ASTN1: variants seen among roughly 807,000 people sequenced by gnomAD.
ASTN1 encodes astrotactin 1.
A neutral mutation model predicts 140.7 loss-of-function variants in ASTN1; 41 were observed. The observed-to-expected ratio is 0.29, with a 90% CI of 0.23 to 0.38. The LOEUF (loss-of-function observed/expected upper bound fraction) is 0.38, where lower values mean the gene tolerates loss of function less well. Among genes scored for constraint, ASTN1 ranks in the 10% least tolerant of loss-of-function variants. The pLI is 1.00. For missense variants in ASTN1, 1,479 were observed against 1,678.8 expected, an observed-to-expected ratio of 0.88 and a Z score of 2.08; for synonymous variants, 640 against 652.2, an observed-to-expected ratio of 0.98 and a Z score of 0.29.
chr1:177,130,934 T>C (rs1354080902), intron 1 of ASTN1, among the ~76,000 whole-genome samples: 2 of 152,238 alleles, frequency 1.3e-5, no homozygotes, highest in South Asian at 2.1e-4. Flanking sequence ...TAAAATGTTA[T>C]TTTTTCTATC....
intron 16 of ASTN1, among the ~76,000 whole-genome samples, chr1:176,923,271 C>G (rs1670814853): frequency 6.6e-6 from 1 of 152,182 alleles, no homozygotes; most frequent in African/African-American, 2.4e-5. Flanking sequence ...AGTCACAGAA[C>G]ATTAGAACTA....
rs553232697 is a variant in ASTN1 at position 176,870,078 on chromosome 1, A to AT, written c.3464-1052dup. Among the ~76,000 whole-genome samples, 5 of 152,362 alleles carry AT rather than the reference A, an allele frequency of 3.3e-5. No homozygotes were observed. In the South Asian group the frequency reaches 1.0e-3, roughly 32 times the overall value. On this transcript the variant is annotated intron_variant, in intron 21 of 22. Transcript: ENST00000361833. ...TTGGTGATGTGGCAAAGTGGAAATGATTTTGTATAGACTTGGCATTTTTTT... is the reference window on the plus strand; with the variant it reads ...TTGGTGATGTGGCAAAGTGGAAATGATTTTTGTATAGACTTGGCATTTTTTT...
chr1:176,929,254 C>T (rs1671101058), intron 16 of ASTN1, among the ~76,000 whole-genome samples: 1 of 152,106 alleles, frequency 6.6e-6, no homozygotes, highest in Admixed American at 6.5e-5. Context: ...AATTAAAGTT[C>T]TTGAAATGGG....
chr1:177,076,342 C>T (rs1310665221), intron 1 of ASTN1, among the ~76,000 whole-genome samples: 1 of 150,740 alleles, frequency 6.6e-6, no homozygotes, highest in African/African-American at 2.4e-5. Flanking sequence ...AAAGAAATCC[C>T]TCACACCATG....
At chr1:176,965,713 T>A (rs1394712126) in intron 8 of ASTN1, among the ~76,000 whole-genome samples, 1 of 152,192 alleles carries the variant, frequency 6.6e-6, no homozygotes, top group Non-Finnish European at 1.5e-5. Flanking sequence ...GGTCAATAAA[T>A]GATAGCTACC....
intron 16 of ASTN1, among the ~76,000 whole-genome samples, chr1:176,915,849 C>T (rs1306471395): frequency 6.6e-6 from 1 of 152,094 alleles, no homozygotes; most frequent in Non-Finnish European, 1.5e-5. Context: ...CATCATAGAC[C>T]GTTTAGTGTT....
At position 177,005,874 on chromosome 1, in the gene ASTN1, G is replaced by A. The variant is rs570234041; in HGVS notation, c.1523+8917C>T. Among the ~76,000 whole-genome samples, 86 of 152,276 alleles carry A rather than the reference G, an allele frequency of 5.6e-4. 1 individual carries two copies. Among genetic ancestry groups the A allele is most frequent in the South Asian group, 5.4e-3 (26 of 4,830 alleles). ...TCCACTCGCCTTGACCTCCCAAAGC[G>A]CTGGGATTACAAGCGTGAGCCACCG... On this transcript the variant is annotated intron_variant, in intron 8 of 22. Transcript: ENST00000361833.
At chr1:177,146,112 A>G (rs990936975) in intron 1 of ASTN1, among the ~76,000 whole-genome samples, 4 of 152,140 alleles carry the variant, frequency 2.6e-5, no homozygotes, top group Admixed American at 2.0e-4. Context: ...AAAAAAACCT[A>G]TATTTTCCAA....
At chr1:177,139,319 T>G (rs1682350518) in intron 1 of ASTN1, among the ~76,000 whole-genome samples, 2 of 152,206 alleles carry the variant, frequency 1.3e-5, no homozygotes, top group South Asian at 2.1e-4. Flanking sequence ...ATAAGGGATA[T>G]CTATGTGAGA....
chr1:176,980,697 G>A (rs1673573411), intron 8 of ASTN1, among the ~76,000 whole-genome samples: 1 of 152,126 alleles, frequency 6.6e-6, no homozygotes, highest in Admixed American at 6.5e-5. Context: ...AATGGGGCAA[G>A]GAGAAGCTGA....
chr1:177,105,632 T>C (rs1436711600), intron 1 of ASTN1, among the ~76,000 whole-genome samples: 1 of 149,870 alleles, frequency 6.7e-6, no homozygotes, highest in Admixed American at 6.7e-5. Context: ...GAAGAGACAA[T>C]ATGGCTTCAT....
intron 5 of ASTN1, 83 bp from the exon 6 acceptor site, chr1:177,024,815 G>A: frequency 4.1e-6 from 6 of 1,468,100 alleles, no homozygotes; most frequent in Non-Finnish European, 5.6e-6. Context: ...CAATCATCCT[G>A]GCAAACAGGG....
intron 2 of ASTN1, among the ~76,000 whole-genome samples, chr1:177,049,173 G>A (rs1677403985): frequency 6.6e-6 from 1 of 152,196 alleles, no homozygotes; most frequent in Non-Finnish European, 1.5e-5. Flanking sequence ...TTCCTAGAAT[G>A]TGGGAGCTGA....
chr1:177,051,837 G>C (rs546213182), intron 2 of ASTN1, among the ~76,000 whole-genome samples: 1 of 152,134 alleles, frequency 6.6e-6, no homozygotes, highest in Non-Finnish European at 1.5e-5. Context: ...CATTGTGAAT[G>C]AGAGTAATAA....
At chr1:177,108,624 A>G (rs1680666685) in intron 1 of ASTN1, among the ~76,000 whole-genome samples, 1 of 152,118 alleles carries the variant, frequency 6.6e-6, no homozygotes, top group Non-Finnish European at 1.5e-5. Context: ...TCATCTGACA[A>G]TGGGCAGGTG....
chr1:177,126,390 C>T (rs1304139996), intron 1 of ASTN1, among the ~76,000 whole-genome samples: 1 of 152,126 alleles, frequency 6.6e-6, no homozygotes, highest in Non-Finnish European at 1.5e-5. Flanking sequence ...CAAGCTGTAC[C>T]CCTTGTGTCT....
At chr1:177,138,410 A>C (rs1364028300) in intron 1 of ASTN1, among the ~76,000 whole-genome samples, 2 of 152,252 alleles carry the variant, frequency 1.3e-5, no homozygotes, top group Admixed American at 1.3e-4. Context: ...AGCATTAATT[A>C]CATCGGATAC....
At chr1:177,005,738 G>A (rs566623461) in intron 8 of ASTN1, among the ~76,000 whole-genome samples, 1 of 152,050 alleles carries the variant, frequency 6.6e-6, no homozygotes, top group Admixed American at 6.5e-5. Flanking sequence ...GATTACAGGC[G>A]CCCGCCACCA....
chr1:176,877,982 C>T (rs1274898817), intron 20 of ASTN1, among the ~76,000 whole-genome samples: 1 of 152,140 alleles, frequency 6.6e-6, no homozygotes, highest in East Asian at 1.9e-4. Flanking sequence ...ACAACCATGG[C>T]CCACCACTCC....
Sources: gnomAD v4.1 joint callset for allele counts (sites outside exome capture counted in the v4.1 genomes callset) on GRCh38, gnomAD v4.1.1 for gene constraint, MANE v1.5 for transcripts, NCBI Gene and HGNC (gene_info 2026-07-23, HGNC 2026-07-21) for gene names.